Variants in SLC47A1 observed in about 807,000 individuals in gnomAD.
The protein encoded by SLC47A1 is multidrug and toxin extrusion protein 1.
Under a neutral mutation model 65.8 loss-of-function variants are expected in SLC47A1, and 58 were observed. The observed-to-expected ratio is 0.88, with a 90% confidence interval of 0.71 to 1.10. SLC47A1 has a LOEUF of 1.10. Ranked by LOEUF, SLC47A1 falls within the 50% of genes least tolerant of loss-of-function variation. The pLI is 0.00. For missense variants in SLC47A1, 706 were observed against 719.2 expected (o/e 0.98, Z 0.21); for synonymous variants, 285 against 295.0 (o/e 0.97, Z 0.35).
chr17:19,534,284 G>C (rs1004743762), intron 1 of SLC47A1: 10 of 569,554 alleles, frequency 1.8e-5, no homozygotes, highest in African/African-American at 6.0e-5. Flanking sequence ...CCGACTGGGG[G>C]CCCCGCGGGG....
intron 14 of SLC47A1, 58 bp downstream of exon 14, chr17:19,567,286 T>C (rs2084366580): frequency 6.2e-7 from 1 of 1,610,172 alleles, no homozygotes; most frequent in Admixed American, 1.7e-5. Flanking sequence ...GAAATGACCG[T>C]CGGAGCACAC....
At chr17:19,559,907 C>T (rs1205771643) in intron 10 of SLC47A1, among the ~76,000 whole-genome samples, 1 of 152,016 alleles carries the variant, frequency 6.6e-6, no homozygotes, top group African/African-American at 2.4e-5. Context: ...GTCCATCCCC[C>T]GACACCCAGA....
rs755531238 is a variant in SLC47A1, at chr17:19,572,794, C to T, written c.1419C>T (p.Ala473=). The T allele has an allele frequency of 1.2e-6, 2 of 1,613,938 alleles. No homozygotes were observed. The highest frequency in any genetic ancestry group is 2.7e-5 in the African/African-American group (2 of 74,860). Residue 473 remains alanine, a synonymous_variant, in exon 16 of 17, where the codon GCC becomes GCT. Transcript: ENST00000270570. Reference sequence around the variant, plus strand: ...TCATTTTCCAGGCTCAGGTACACGCCAATTTGAAAGTAAACAACGTGCCTC... The same window carrying T: ...TCATTTTCCAGGCTCAGGTACACGCTAATTTGAAAGTAAACAACGTGCCTC... The part of the protein sequence containing the change: ...KKACQQAQVH[A]NLKVNNVPRS...
chr17:19,543,070 G>A (rs2152312581), intron 2 of SLC47A1, among the ~76,000 whole-genome samples: 1 of 150,352 alleles, frequency 6.7e-6, no homozygotes, highest in Admixed American at 6.6e-5. Context: ...GGGATTACAG[G>A]TATGAGCCAC....
At chr17:19,558,684 A>G (rs2084284147) in intron 10 of SLC47A1, among the ~76,000 whole-genome samples, 1 of 152,076 alleles carries the variant, frequency 6.6e-6, no homozygotes, top group African/African-American at 2.4e-5. Context: ...GGCTCAAGCA[A>G]TCATTCCACC....
chr17:19,556,077 C>G lies in SLC47A1; in HGVS notation c.921+15C>G, dbSNP rs1249941944. ...TTGTGTACATGGTAAGCAGGGGAGC[C>G]GATCATGGGGAGGTGCCAGGCGTTT... On this transcript the variant is annotated intron_variant, in intron 10 of 16. Transcript: ENST00000270570. The G allele has an allele frequency of 5.0e-6, 8 of 1,613,158 alleles. No individual in the cohort carries two copies. Among genetic ancestry groups the G allele is most frequent in the Non-Finnish European group, 5.9e-6 (7 of 1,179,924 alleles).
chr17:19,564,978 C>G (rs1206114345), intron 12 of SLC47A1, among the ~76,000 whole-genome samples: 1 of 152,162 alleles, frequency 6.6e-6, no homozygotes, highest in African/African-American at 2.4e-5. Context: ...CTTGGCCTCC[C>G]AAAGTGCAGG....
At chr17:19,551,358 C>G in intron 5 of SLC47A1, 66 bp from the exon 6 acceptor site, 1 of 1,388,806 alleles carries the variant, frequency 7.2e-7, no homozygotes, top group Admixed American at 1.7e-5. Flanking sequence ...AGCTCCCTGC[C>G]GTGTGACCTC....
At position 19,577,518 on chromosome 17, in the gene SLC47A1, G is replaced by C. The variant is rs779978512; in HGVS notation, c.1678G>C (p.Gly560Arg). 2.9e-5 allele frequency: 46 copies of C among 1,614,024 alleles called. No homozygotes were observed. Among genetic ancestry groups the C allele is most frequent in the Non-Finnish European group, 3.6e-5 (42 of 1,180,010 alleles). Residue 560 changes from glycine to arginine, a missense_variant, in exon 17 of 17, where the codon GGG becomes CGG. By Grantham distance (125) the Gly-to-Arg change is moderately radical. Coordinates refer to ENST00000270570, the MANE Select transcript of SLC47A1 (RefSeq NM_018242.3). ...GGGGGTCTTCTTAATCTTGCTGGTG[G>C]GGATTTTAGTGAGATTCTATGTCAG... Reference protein sequence around the residue: ...LLGVFLILLVGILVRFYVRIQ With the variant: ...LLGVFLILLVRILVRFYVRIQ
At chr17:19,575,149 C>A (rs558236722) in intron 16 of SLC47A1, among the ~76,000 whole-genome samples, 72 of 149,794 alleles carry the variant, frequency 4.8e-4, no homozygotes, top group African/African-American at 1.7e-3. Flanking sequence ...AGGTTCACTG[C>A]AGCCTTGACC....
At chr17:19,546,765 C>T (rs1409931319) in intron 3 of SLC47A1, among the ~76,000 whole-genome samples, 1 of 152,154 alleles carries the variant, frequency 6.6e-6, no homozygotes, top group Non-Finnish European at 1.5e-5. Context: ...TTCTATTGCT[C>T]CCCACGTTTG....
At position 19,578,130 on chromosome 17, in the gene SLC47A1, T is replaced by C; in HGVS notation, c.*577T>C. The C allele has an allele frequency of 4.2e-6, 2 of 471,874 alleles. No homozygotes were observed. Among genetic ancestry groups the C allele is most frequent in the Non-Finnish European group, 8.0e-6 (2 of 250,934 alleles). 29.2% of individuals were successfully genotyped at this position (471,874 alleles called of 1,614,324 possible). ...ACCAGAGTAGCTGAGACTACAGGGG[T>C]ATGCCACCATGCCCAGCTGGCATTT... On this transcript the variant is annotated 3_prime_UTR_variant, in exon 17 of 17. Transcript: ENST00000270570.
At chr17:19,577,231 T>C (rs1411728043) in intron 16 of SLC47A1, 96 bp from the exon 17 acceptor site, 7 of 1,490,862 alleles carry the variant, frequency 4.7e-6, no homozygotes, top group Admixed American at 2.3e-5. Context: ...ATTAACTTTC[T>C]CTCCACTATT....
At position 19,572,860 on chromosome 17, in the gene SLC47A1, A is replaced by G. The variant is rs763169575; in HGVS notation, c.1485A>G (p.Pro495=). 10 of 1,614,122 alleles carry G rather than the reference A, an allele frequency of 6.2e-6. 1 individual carries two copies. Among genetic ancestry groups the G allele is most frequent in the Non-Finnish European group, 7.6e-6 (9 of 1,179,990 alleles). ...CTCTCCCTCAGGATCCGCTTCACCCAGGTAAGATATGACTCCCTCAGCCCT... is the reference window on the plus strand; with the variant it reads ...CTCTCCCTCAGGATCCGCTTCACCCGGGTAAGATATGACTCCCTCAGCCCT... ...NSALPQDPLH[P]GCPENLEGIL... Residue 495 remains proline (P), a splice_region_variant and synonymous_variant, in exon 16 of 17, where the codon CCA becomes CCG. Coordinates refer to ENST00000270570, the MANE Select transcript of SLC47A1 (RefSeq NM_018242.3).
chr17:19,541,633 A>G (rs552131040), intron 1 of SLC47A1, among the ~76,000 whole-genome samples: 25 of 152,162 alleles, frequency 1.6e-4, no homozygotes, highest in Non-Finnish European at 3.1e-4. Context: ...TGGGACTCCA[A>G]GTGGACGATC....
At chr17:19,560,146 G>A (rs760564069) in intron 10 of SLC47A1, 42 bp from the exon 11 acceptor site, 25 of 1,434,026 alleles carry the variant, frequency 1.7e-5, no homozygotes, top group Non-Finnish European at 2.3e-5. Flanking sequence ...TTCTCGCTCT[G>A]CAGTTTCTCA....
At chr17:19,554,980 G>T (rs1230371267) in intron 6 of SLC47A1, among the ~76,000 whole-genome samples, 2 of 152,096 alleles carry the variant, frequency 1.3e-5, no homozygotes, top group African/African-American at 4.8e-5. Context: ...TCTTGCCTGT[G>T]TCTCTCTGTG....
chr17:19,570,592 C>T (rs2084392033), intron 14 of SLC47A1, among the ~76,000 whole-genome samples: 1 of 152,146 alleles, frequency 6.6e-6, no homozygotes, highest in Admixed American at 6.6e-5. Context: ...CCATCTGGGG[C>T]CAATCGTTAC....
intron 12 of SLC47A1, among the ~76,000 whole-genome samples, chr17:19,563,788 A>G (rs961417618): frequency 2.6e-5 from 4 of 151,076 alleles, no homozygotes; most frequent in African/African-American, 9.7e-5. Context: ...GGAGATCGAG[A>G]CCATCCTGGC....
Sources: gnomAD v4.1 joint callset for allele counts (sites outside exome capture counted in the v4.1 genomes callset) on GRCh38, gnomAD v4.1.1 for gene constraint, MANE v1.5 for transcripts, NCBI Gene and HGNC (gene_info 2026-07-23, HGNC 2026-07-21) for gene names.